CNTLN: variants seen among roughly 807,000 people sequenced by gnomAD.
CNTLN encodes the protein centlein, also known as centlein, centrosomal protein.
CNTLN carries 212 observed loss-of-function variants against 180.0 expected under a neutral mutation model. The observed-to-expected ratio is 1.18, with a 90% CI of 1.05 to 1.32. The LOEUF is 1.32. Among genes scored for constraint, CNTLN ranks in the 40% most tolerant of loss-of-function variants. The probability of loss-of-function intolerance (pLI) is 0.00; values close to 1 mark genes in which losing one functional copy is unlikely to be tolerated. For synonymous variants in CNTLN, 722 were observed against 563.1 expected (o/e 1.28, Z -3.99); for missense variants, 2,095 against 1,610.9 (o/e 1.30, Z -5.14).
intron 25 of CNTLN, among the ~76,000 whole-genome samples, chr9:17,498,878 A>G (rs895704209): frequency 3.3e-5 from 5 of 152,006 alleles, no homozygotes; most frequent in African/African-American, 1.2e-4. Context: ...CTTCTATCCA[A>G]CTCTAAAATC....
chr9:17,340,658 C>A (rs1224315067), intron 10 of CNTLN, among the ~76,000 whole-genome samples, 169 bp from the exon 11 acceptor site: 1 of 152,160 alleles, frequency 6.6e-6, no homozygotes, highest in Non-Finnish European at 1.5e-5. Flanking sequence ...CAAATGTATT[C>A]TGTGACTAGA....
intron 2 of CNTLN, among the ~76,000 whole-genome samples, chr9:17,194,089 C>T (rs921793944): frequency 1.3e-5 from 2 of 152,200 alleles, no homozygotes; most frequent in African/African-American, 4.8e-5. Flanking sequence ...TACAGGGACC[C>T]TGGGCCCGGC....
chr9:17,216,520 T>G (rs911356950), intron 2 of CNTLN, among the ~76,000 whole-genome samples: 1 of 152,200 alleles, frequency 6.6e-6, no homozygotes, highest in African/African-American at 2.4e-5. Context: ...TATTGATACA[T>G]TTATCAAGGA....
At chr9:17,460,157 T>G (rs561953715) in intron 19 of CNTLN, among the ~76,000 whole-genome samples, 9 of 151,770 alleles carry the variant, frequency 5.9e-5, no homozygotes, top group African/African-American at 2.2e-4. Flanking sequence ...TCATTTACAG[T>G]TGAGAAAACT....
At chr9:17,327,060 T>C (rs1282699655) in intron 8 of CNTLN, among the ~76,000 whole-genome samples, 6 of 152,070 alleles carry the variant, frequency 3.9e-5, no homozygotes, top group Admixed American at 2.0e-4. Flanking sequence ...AAGATGTTAA[T>C]AATAGGGGAA....
chr9:17,340,348 T>A (rs1821377948), intron 10 of CNTLN, among the ~76,000 whole-genome samples: 1 of 152,182 alleles, frequency 6.6e-6, no homozygotes, highest in African/African-American at 2.4e-5. Context: ...TCTCATTTTC[T>A]TCCTTATGTG....
At chr9:17,305,278 G>T (rs1471135451) in intron 7 of CNTLN, among the ~76,000 whole-genome samples, 2 of 152,060 alleles carry the variant, frequency 1.3e-5, no homozygotes, top group African/African-American at 4.8e-5. Flanking sequence ...TATAATGATT[G>T]ATACTTCTAA....
At chr9:17,289,202 T>C (rs887782999) in intron 6 of CNTLN, among the ~76,000 whole-genome samples, 1 of 115,430 alleles carries the variant, frequency 8.7e-6, no homozygotes, top group African/African-American at 4.1e-5. Flanking sequence ...AGGGCAGGCC[T>C]AGTGGTGACA....
chr9:17,268,878 C>A (rs1028052471), intron 5 of CNTLN, among the ~76,000 whole-genome samples: 1 of 151,786 alleles, frequency 6.6e-6, no homozygotes, highest in African/African-American at 2.4e-5. Context: ...GTTTTTTAAT[C>A]CCGTCAGAAA....
intron 23 of CNTLN, among the ~76,000 whole-genome samples, chr9:17,471,908 A>G (rs1036747099): frequency 3.9e-5 from 6 of 152,112 alleles, no homozygotes; most frequent in African/African-American, 1.4e-4. Context: ...CCCAACATGT[A>G]AATACAAGGC....
At chr9:17,516,928 T>G in the CNTLN span, among the ~76,000 whole-genome samples, 4 of 152,318 alleles carry the variant, frequency 2.6e-5, no homozygotes, top group Middle Eastern at 3.4e-3. Context: ...AAATATTCAT[T>G]GAGGAAAGGA....
intron 12 of CNTLN, among the ~76,000 whole-genome samples, chr9:17,364,872 C>T (rs991567428): frequency 6.6e-5 from 10 of 152,122 alleles, no homozygotes; most frequent in African/African-American, 2.4e-4. Flanking sequence ...AGTTTTGAAC[C>T]TATTGATTTA....
chr9:17,276,526 A>G (rs962883608), intron 6 of CNTLN, among the ~76,000 whole-genome samples: 1 of 152,042 alleles, frequency 6.6e-6, no homozygotes, highest in East Asian at 1.9e-4. Context: ...AGTCATTTAT[A>G]TTTTATTGAA....
chr9:17,395,468 A>T (rs899693026), intron 15 of CNTLN, among the ~76,000 whole-genome samples: 1 of 152,156 alleles, frequency 6.6e-6, no homozygotes, highest in Admixed American at 6.6e-5. Context: ...GTGACATACC[A>T]ACCTGGGAGG....
At chr9:17,317,399 A>G (rs184235755) in intron 8 of CNTLN, among the ~76,000 whole-genome samples, 5 of 152,200 alleles carry the variant, frequency 3.3e-5, no homozygotes, top group Non-Finnish European at 5.9e-5. Context: ...TGTTAACTAC[A>G]ACTCTCCATC....
At chr9:17,356,079 A>G (rs1339024483) in intron 12 of CNTLN, among the ~76,000 whole-genome samples, 2 of 130,516 alleles carry the variant, frequency 1.5e-5, no homozygotes, top group African/African-American at 5.4e-5. Flanking sequence ...AAAAAAAAAA[A>G]AAGAAAAAGG....
chr9:17,493,524 G>A (rs1382610588), intron 25 of CNTLN, among the ~76,000 whole-genome samples: 1 of 152,074 alleles, frequency 6.6e-6, no homozygotes, highest in Non-Finnish European at 1.5e-5. Flanking sequence ...ACCCAGAGAA[G>A]CATTAAAATG....
intron 6 of CNTLN, among the ~76,000 whole-genome samples, chr9:17,282,278 AT>A: frequency 6.6e-6 from 1 of 152,246 alleles, no homozygotes; most frequent in East Asian, 1.9e-4. Context: ...AATAATATCC[AT>A]TCTGACTGGT....
intron 5 of CNTLN, among the ~76,000 whole-genome samples, chr9:17,261,171 T>A (rs1826944538): frequency 6.6e-6 from 1 of 151,420 alleles, no homozygotes; most frequent in Admixed American, 6.6e-5. Flanking sequence ...CTTTTTGGTT[T>A]CATATAAATT....
Sources: gnomAD v4.1 joint callset for allele counts (sites outside exome capture counted in the v4.1 genomes callset) on GRCh38, gnomAD v4.1.1 for gene constraint, MANE v1.5 for transcripts, NCBI Gene and HGNC (gene_info 2026-07-23, HGNC 2026-07-21) for gene names.